Variants in NEMP2 observed in about 807,000 individuals in gnomAD.
NEMP2 encodes nuclear envelope integral membrane protein 2.
In NEMP2, 53 loss-of-function variants were observed where a neutral mutation model predicts 54.2. The ratio of observed to expected loss-of-function variants is 0.98; its 90% CI spans 0.78 to 1.23. NEMP2 has a LOEUF of 1.23. NEMP2 is among the 50% of genes most tolerant of loss of function. The pLI, the probability that NEMP2 is intolerant of heterozygous loss-of-function variation, is 0.00. For missense variants in NEMP2, 455 were observed against 511.3 expected (o/e 0.89, Z 1.06); for synonymous variants, 197 against 190.3 (o/e 1.04, Z -0.29).
chr2:190,623,509 C>T, the NEMP2 span, among the ~76,000 whole-genome samples: 2 of 152,130 alleles, frequency 1.3e-5, no homozygotes, highest in African/African-American at 2.4e-5. Context: ...AGAAATAAAT[C>T]CATGCATTTA....
chr2:190,594,045 G>C, the NEMP2 span, among the ~76,000 whole-genome samples: 1 of 152,164 alleles, frequency 6.6e-6, no homozygotes, highest in Non-Finnish European at 1.5e-5. This position sits in a 1 kb window ranked among gnomAD's most constrained non-coding sequence, Gnocchi z 5.6. Context: ...TGGCCTGAAG[G>C]CTGCCCTATT....
At chr2:190,462,483 A>G in the NEMP2 span, among the ~76,000 whole-genome samples, 1 of 152,182 alleles carries the variant, frequency 6.6e-6, no homozygotes, top group South Asian at 2.1e-4. The surrounding 1 kb of genome is among the most constrained non-coding windows in gnomAD (Gnocchi z 5.7). Flanking sequence ...ACATAAGATT[A>G]TATTAAATGA....
upstream of NEMP2, among the ~76,000 whole-genome samples, chr2:190,536,698 C>G (rs776408537): frequency 6.6e-6 from 1 of 152,138 alleles, no homozygotes; most frequent in Admixed American, 6.5e-5. Flanking sequence ...GCAAACACTG[C>G]TAAAAGCTGA....
the NEMP2 span, among the ~76,000 whole-genome samples, chr2:190,622,316 G>C: frequency 6.6e-6 from 1 of 151,776 alleles, no homozygotes; most frequent in Admixed American, 6.6e-5. Flanking sequence ...GCTGAGGTGG[G>C]AGGATCTCCT....
the NEMP2 span, among the ~76,000 whole-genome samples, chr2:190,552,130 T>C: frequency 6.6e-6 from 1 of 152,216 alleles, no homozygotes; most frequent in Non-Finnish European, 1.5e-5. Flanking sequence ...CCTACCCACG[T>C]GTTTCCCAGT....
At chr2:190,554,755 C>G in the NEMP2 span, among the ~76,000 whole-genome samples, 1 of 152,224 alleles carries the variant, frequency 6.6e-6, no homozygotes, top group African/African-American at 2.4e-5. The surrounding 1 kb of genome is among the most constrained non-coding windows in gnomAD (Gnocchi z 5.7). Context: ...ACGTCCCTGC[C>G]TGGCAGCACT....
the NEMP2 span, among the ~76,000 whole-genome samples, chr2:190,573,580 T>C: frequency 8.5e-5 from 13 of 152,296 alleles, 2 homozygotes; most frequent in African/African-American, 2.9e-4. Flanking sequence ...AGAGTAAAGA[T>C]GGCAGAGTGG....
At chr2:190,601,302 G>C in the NEMP2 span, among the ~76,000 whole-genome samples, 5 of 152,200 alleles carry the variant, frequency 3.3e-5, no homozygotes, top group African/African-American at 1.2e-4. This position sits in a 1 kb window ranked among gnomAD's most constrained non-coding sequence, Gnocchi z 5.8. Context: ...TGCCTTCGGA[G>C]GAAGCATGCC....
chr2:190,628,314 A>G, the NEMP2 span: 6 of 152,198 alleles, frequency 3.9e-5, no homozygotes, highest in African/African-American at 1.4e-4. This position sits in a 1 kb window ranked among gnomAD's most constrained non-coding sequence, Gnocchi z 4.1. Context: ...GCAGACGTCA[A>G]TGGGAAGTGT....
chr2:190,577,246 T>C, the NEMP2 span, among the ~76,000 whole-genome samples: 1 of 152,076 alleles, frequency 6.6e-6, no homozygotes, highest in African/African-American at 2.4e-5. The surrounding 1 kb of genome is among the most constrained non-coding windows in gnomAD (Gnocchi z 4.8). Flanking sequence ...ACTTACTCAA[T>C]TTTTTTTAAC....
chr2:190,627,643 C>G, the NEMP2 span, among the ~76,000 whole-genome samples: 22 of 150,640 alleles, frequency 1.5e-4, no homozygotes, highest in African/African-American at 5.1e-4. This position sits in a 1 kb window ranked among gnomAD's most constrained non-coding sequence, Gnocchi z 4.4. Flanking sequence ...TCCCTCATCT[C>G]CATTAGTTAC....
the NEMP2 span, chr2:190,625,710 G>A: frequency 6.6e-6 from 1 of 152,178 alleles, no homozygotes; most frequent in East Asian, 1.9e-4. Flanking sequence ...TATTTACATT[G>A]ATTAGCTTCT....
chr2:190,605,658 T>C, the NEMP2 span, among the ~76,000 whole-genome samples: 1 of 152,192 alleles, frequency 6.6e-6, no homozygotes, highest in African/African-American at 2.4e-5. Flanking sequence ...ATTACAGGTG[T>C]AGCCATCGCA....
At chr2:190,430,628 A>T in the NEMP2 span, among the ~76,000 whole-genome samples, 1 of 151,964 alleles carries the variant, frequency 6.6e-6, no homozygotes, top group Non-Finnish European at 1.5e-5. Flanking sequence ...CACAGCAACC[A>T]TCCGATTTCT....
At chr2:190,564,863 A>C in the NEMP2 span, among the ~76,000 whole-genome samples, 1 of 152,198 alleles carries the variant, frequency 6.6e-6, no homozygotes, top group Non-Finnish European at 1.5e-5. The surrounding 1 kb of genome is among the most constrained non-coding windows in gnomAD (Gnocchi z 4.2). Flanking sequence ...ACATTTCATA[A>C]ATATTTGTTG....
chr2:190,427,558 T>C, the NEMP2 span, among the ~76,000 whole-genome samples: 3 of 152,342 alleles, frequency 2.0e-5, no homozygotes, highest in Admixed American at 6.5e-5. Context: ...CTCATACTTG[T>C]GTTGTTCCTT....
chr2:190,525,293 C>G lies in NEMP2; in HGVS notation c.183G>C (p.Val61=). Residue 61 remains valine, a synonymous_variant, in exon 2 of 9, where the codon GTG becomes GTC. Coordinates refer to ENST00000409150, the MANE Select transcript of NEMP2 (RefSeq NM_001142645.2). The surrounding 1 kb of genome is among the most constrained non-coding windows in gnomAD (Gnocchi z 5.0). ...TAGTTGACCATATGTATTTCCACTC[C>G]ACTTGGGAATTTTGATTGTAGCAGT... ...DCYCYNQNSQ[V]EWKYIWSTMQ... The G allele has an allele frequency of 6.5e-7, 1 of 1,549,764 alleles. No homozygotes were observed. The highest frequency in any genetic ancestry group is 8.7e-7 in the Non-Finnish European group (1 of 1,145,532).
chr2:190,548,069 G>A, the NEMP2 span, among the ~76,000 whole-genome samples: 150 of 152,202 alleles, frequency 9.9e-4, no homozygotes, highest in African/African-American at 3.4e-3. Context: ...CATTAAGACA[G>A]TGGAGCAAAT....
the NEMP2 span, among the ~76,000 whole-genome samples, chr2:190,572,874 T>TATAC: frequency 7.6e-6 from 1 of 131,984 alleles, no homozygotes; most frequent in Non-Finnish European, 1.6e-5. Flanking sequence ...TATATATATA[T>TATAC]ATGTATATAT....
Sources: allele counts gnomAD v4.1 joint callset (sites outside exome capture counted in the v4.1 genomes callset), GRCh38; gene constraint gnomAD v4.1.1; non-coding constraint Gnocchi (gnomAD v3.1); transcripts MANE v1.5; gene names NCBI Gene and HGNC (gene_info 2026-07-23, HGNC 2026-07-21).